The following MAST1 variants were observed in gnomAD, a reference collection of about 807,000 sequenced individuals.
The protein encoded by MAST1 is microtubule-associated serine/threonine-protein kinase 1.
Under a neutral mutation model 124.6 loss-of-function variants are expected in MAST1, and 40 were observed. The ratio of observed to expected loss-of-function variants is 0.32; its 90% confidence interval spans 0.25 to 0.42. The LOEUF is 0.42. Ranked by LOEUF, MAST1 falls within the 10% of genes least tolerant of loss-of-function variation. MAST1 has a pLI of 1.00. For missense variants in MAST1, 1,558 were observed against 2,181.9 expected (o/e 0.71, Z 5.70); for synonymous variants, 938 against 939.4 (o/e 1.00, Z 0.03).
rs769877860 is a variant in MAST1, at chr19:12,864,945, C to T, written c.1503C>T (p.Asp501=). ...YGIVHRDLKP[D]NLLITSMGHI... is the part of the protein sequence containing the mutation. ...TCGTGCACCGCGACCTCAAGCCTGA[C>T]AAGTGAGCTTTGATCTTTCCCATCA... Residue 501 remains aspartate, a splice_region_variant and synonymous_variant, in exon 13 of 26, where the codon GAC becomes GAT. Coordinates refer to ENST00000251472, the MANE Select transcript of MAST1 (RefSeq NM_014975.3). 2 of 1,614,060 alleles carry T rather than the reference C, an allele frequency of 1.2e-6. No individual in the cohort carries two copies.
intron 12 of MAST1, among the ~76,000 whole-genome samples, chr19:12,860,338 G>A (rs1410309331): frequency 6.6e-6 from 1 of 151,506 alleles, no homozygotes; most frequent in Non-Finnish European, 1.5e-5. Context: ...GGATGGTCTC[G>A]ATCTCTTGAC....
intron 3 of MAST1, among the ~76,000 whole-genome samples, chr19:12,842,408 T>C (rs1275816825): frequency 1.3e-5 from 2 of 152,038 alleles, no homozygotes; most frequent in Non-Finnish European, 2.9e-5. Context: ...TTCTCCTGCC[T>C]CAGCTTCCCA....
At chr19:12,868,992 A>C in intron 21 of MAST1, 74 bp from the exon 22 acceptor site, 1 of 1,551,552 alleles carries the variant, frequency 6.4e-7, no homozygotes, top group Non-Finnish European at 8.9e-7. Flanking sequence ...CTGCCTTGGG[A>C]GGAGGGAGGA....
At chr19:12,853,356 G>A (rs886446027) in intron 10 of MAST1, among the ~76,000 whole-genome samples, 6 of 151,988 alleles carry the variant, frequency 3.9e-5, no homozygotes, top group African/African-American at 1.4e-4. Flanking sequence ...GCCAAGGCAG[G>A]AGGATTGTTT....
chr19:12,843,277 G>T lies in MAST1; in HGVS notation c.249-252G>T, dbSNP rs960263465. On this transcript the variant is annotated intron_variant, in intron 3 of 25. Coordinates refer to ENST00000251472, the MANE Select transcript of MAST1 (RefSeq NM_014975.3). The surrounding 1 kb of genome is among the most constrained non-coding windows in gnomAD (Gnocchi z 4.9). ...TGGGTGGGGGCTTTTCCAGTTCTCG[G>T]TGTCCACTCTGAATGATAAGAGAGG... Among the ~76,000 whole-genome samples, 5 of 152,032 alleles carry T rather than the reference G, an allele frequency of 3.3e-5. No individual in the cohort carries two copies. The highest frequency in any genetic ancestry group is 7.4e-5 in the Non-Finnish European group (5 of 67,988).
intron 10 of MAST1, among the ~76,000 whole-genome samples, chr19:12,854,806 G>T (rs1970000819): frequency 6.6e-6 from 1 of 152,132 alleles, no homozygotes; most frequent in Admixed American, 6.6e-5. Context: ...TGTGTTAATG[G>T]CAGCTCAGCA....
At chr19:12,871,666 T>G (rs1279376226) in intron 24 of MAST1, among the ~76,000 whole-genome samples, 2 of 150,194 alleles carry the variant, frequency 1.3e-5, no homozygotes, top group Non-Finnish European at 3.0e-5. Context: ...ACACCTGTAA[T>G]CACAGCACTT....
intron 12 of MAST1, among the ~76,000 whole-genome samples, chr19:12,862,689 G>T (rs529776059): frequency 2.2e-5 from 3 of 138,534 alleles, no homozygotes; most frequent in African/African-American, 8.1e-5. Flanking sequence ...ACAGAGTTTC[G>T]CTCTGGCTAA....
rs537921394 is a variant in MAST1 at position 12,868,855 on chromosome 19, G to A, written c.2773+6G>A. The A allele has an allele frequency of 7.7e-6, 12 of 1,568,544 alleles. No homozygotes were observed. The South Asian group carries it at 1.4e-4, about 19-fold the overall frequency. Reference sequence around the variant, plus strand: ...ATCTGTCATGATTCCTGCAGGTAATGCTGGGCCCCACCTGGCAGGGGAGGG... The same window carrying A: ...ATCTGTCATGATTCCTGCAGGTAATACTGGGCCCCACCTGGCAGGGGAGGG... On this transcript the variant is annotated splice_donor_region_variant and intron_variant, in intron 21 of 25. Transcript: ENST00000251472.
intron 12 of MAST1, among the ~76,000 whole-genome samples, chr19:12,863,924 C>CTTTTTTT (rs3064382): frequency 7.6e-6 from 1 of 132,012 alleles, no homozygotes; most frequent in Non-Finnish European, 1.6e-5. Flanking sequence ...CTACAAAAAA[C>CTTTTTTT]TTTTTTTTTT....
intron 7 of MAST1, among the ~76,000 whole-genome samples, chr19:12,849,705 A>C (rs1969938789): frequency 6.6e-6 from 1 of 152,074 alleles, no homozygotes; most frequent in African/African-American, 2.4e-5. Flanking sequence ...AGCTAGGTGT[A>C]GTGGCACACA....
At chr19:12,859,016 CATCT>C (rs1437198910) in intron 12 of MAST1, 2 of 519,488 alleles carry the variant, frequency 3.8e-6, no homozygotes, top group Admixed American at 7.2e-5. Context: ...TGTGCTAATC[CATCT>C]GTTTTTCCAT....
intron 7 of MAST1, among the ~76,000 whole-genome samples, chr19:12,851,469 G>T (rs1006045894): frequency 9.3e-5 from 14 of 150,906 alleles, no homozygotes; most frequent in African/African-American, 3.4e-4. Context: ...CTATGGTTTT[G>T]TTGTTTGTTT....
intron 1 of MAST1, among the ~76,000 whole-genome samples, chr19:12,839,111 G>C (rs1969795951): frequency 6.6e-6 from 1 of 151,322 alleles, no homozygotes; most frequent in Non-Finnish European, 1.5e-5. Flanking sequence ...TTCGGGAGCT[G>C]GATGCTGAGG....
intron 2 of MAST1, 34 bp from the exon 3 acceptor site, chr19:12,840,957 A>T (rs532469579): frequency 3.5e-6 from 3 of 847,790 alleles, no homozygotes; most frequent in Admixed American, 1.7e-5. Flanking sequence ...GGAACGAGAG[A>T]CCTGACAGGA....
intron 22 of MAST1, among the ~76,000 whole-genome samples, chr19:12,869,948 G>A (rs1214007287): frequency 1.3e-5 from 2 of 151,638 alleles, no homozygotes; most frequent in African/African-American, 4.8e-5. Flanking sequence ...TTGGGAGGCC[G>A]AGGAGGGTGG....
At chr19:12,852,094 C>A (rs1259552580) in intron 8 of MAST1, 21 bp from the exon 9 acceptor site, 1 of 1,613,124 alleles carries the variant, frequency 6.2e-7, no homozygotes, top group Non-Finnish European at 8.5e-7. Context: ...CTGTGGTGAG[C>A]CCACTCCTGC....
chr19:12,868,054 T>C (rs1371324275), intron 20 of MAST1, 77 bp downstream of exon 20: 1 of 1,437,532 alleles, frequency 7.0e-7, no homozygotes, highest in Non-Finnish European at 9.2e-7. Context: ...CCCACGAGCC[T>C]GGTGCTGTTT....
chr19:12,874,453 C>G lies in MAST1; in HGVS notation c.4296C>G (p.Pro1432=). 1 of 1,594,748 alleles carries G rather than the reference C, an allele frequency of 6.3e-7. No homozygotes were observed. The highest frequency in any genetic ancestry group is 8.5e-7 in the Non-Finnish European group (1 of 1,177,098). The change falls in exon 26 of 26, where the codon CCC becomes CCG. Residue 1432 remains proline (P), a synonymous_variant. Coordinates refer to ENST00000251472, the MANE Select transcript of MAST1 (RefSeq NM_014975.3). This position sits in a 1 kb window ranked among gnomAD's most constrained non-coding sequence, Gnocchi z 6.6. ...GCAGCTCTGGCGAGGCGGGCACACCCCTGGTACCCATTGTCGTAGAGCCTG... is the reference window on the plus strand; with the variant it reads ...GCAGCTCTGGCGAGGCGGGCACACCGCTGGTACCCATTGTCGTAGAGCCTG... ...RRSSSGEAGT[P]LVPIVVEPAR...
Sources: gnomAD v4.1 joint callset for allele counts (sites outside exome capture counted in the v4.1 genomes callset) on GRCh38, gnomAD v4.1.1 for gene constraint, Gnocchi (gnomAD v3.1) non-coding constraint, MANE v1.5 for transcripts, NCBI Gene and HGNC (gene_info 2026-07-23, HGNC 2026-07-21) for gene names.